The following ACE variants were observed in gnomAD, a reference collection of about 807,000 sequenced individuals.
ACE encodes the protein angiotensin-converting enzyme.
ACE carries 122 observed loss-of-function variants against 162.3 expected under a neutral mutation model. That is an observed-to-expected ratio of 0.75 (90% CI 0.65 to 0.87). The LOEUF (loss-of-function observed/expected upper bound fraction) is 0.87. Among genes scored for constraint, ACE ranks in the 40% least tolerant of loss-of-function variants. The pLI, the probability that ACE is intolerant of heterozygous loss-of-function variation, is 0.00. For synonymous variants in ACE, 796 were observed against 720.6 expected (o/e 1.10, Z -1.68); for missense variants, 1,799 against 1,735.1 (o/e 1.04, Z -0.65).
chr17:63,497,435 C>T lies in ACE; in HGVS notation c.*69C>T. 2 of 1,365,870 alleles carry T rather than the reference C, an allele frequency of 1.5e-6. No individual in the cohort carries two copies. Among genetic ancestry groups the T allele is most frequent in the South Asian group, 2.5e-5 (2 of 80,360 alleles). 84.6% of individuals were successfully genotyped at this position (1,365,870 alleles called of 1,614,324 possible). Reference sequence around the variant, plus strand: ...AGACTGGGATGGGAACACTGGTGGGCAGCTGAGGACACACCCCACACCCCA... The same window carrying T: ...AGACTGGGATGGGAACACTGGTGGGTAGCTGAGGACACACCCCACACCCCA... On this transcript the variant is annotated 3_prime_UTR_variant, in exon 25 of 25. Transcript: ENST00000290866.
intron 17 of ACE, chr17:63,490,205 C>G (rs2030279168): frequency 6.5e-6 from 1 of 153,014 alleles, no homozygotes; most frequent in Non-Finnish European, 1.5e-5. Flanking sequence ...CTTCACCTCA[C>G]TTGGCTAGGA....
chr17:63,477,898 C>T (rs778198824), intron 1 of ACE, 33 bp from the exon 2 acceptor site: 2 of 1,592,138 alleles, frequency 1.3e-6, no homozygotes, highest in South Asian at 1.1e-5. Flanking sequence ...AAGCAGGGTC[C>T]TACACCCTCC....
rs1328155886 is a variant in ACE at position 63,480,584 on chromosome 17, A to G, written c.847+56A>G. 24 of 1,594,574 alleles carry G rather than the reference A, an allele frequency of 1.5e-5. No individual in the cohort carries two copies. In the Middle Eastern group the frequency reaches 5.0e-4, roughly 33 times the overall value. The stretch of plus-strand genomic sequence containing the variant: ...CCCACGGAAGTGTGGGTCCCGAGGT[A>G]GGGGTGGGGGATGTCCAGGGTAAGG... On this transcript the variant is annotated intron_variant, in intron 5 of 24. Coordinates refer to ENST00000290866, the MANE Select transcript of ACE (RefSeq NM_000789.4).
chr17:63,478,455 CAGG>C (rs2049654739), intron 2 of ACE: 4 of 334,550 alleles, frequency 1.2e-5, no homozygotes, highest in South Asian at 2.9e-5. Flanking sequence ...CGCTTGAGCC[CAGG>C]AGTTCAAGAC....
chr17:63,481,251 C>A, intron 6 of ACE, 63 bp downstream of exon 6: 1 of 1,422,952 alleles, frequency 7.0e-7, no homozygotes, highest in South Asian at 1.2e-5. Context: ...AAAAGGGAGT[C>A]ACAGATGGGC....
chr17:63,485,204 G>A (rs1175002670), intron 12 of ACE, 32 bp from the exon 13 acceptor site: 39 of 1,613,818 alleles, frequency 2.4e-5, no homozygotes, highest in Non-Finnish European at 3.3e-5. Context: ...GGAGGCAGAG[G>A]TTTGTCTGTT....
chr17:63,497,900 C>T lies in ACE; in HGVS notation c.*534C>T, dbSNP rs2030872213. ...GAAGCAGACATCCTGGGCTGCTGGC[C>T]TCACATTTCCACTGGCAGTGGAGCC... On this transcript the variant is annotated 3_prime_UTR_variant, in exon 25 of 25. Transcript: ENST00000290866. 4.6e-6 allele frequency: 1 copy of T among 219,292 alleles called. No individual in the cohort carries two copies. Among genetic ancestry groups the T allele is most frequent in the Non-Finnish European group, 9.2e-6 (1 of 108,284 alleles). The allele number at this position is 219,292 out of a possible 1,614,324, so 13.6% of individuals were successfully genotyped here. A position where few individuals can be genotyped will look rare whatever the true frequency, so the allele number is the denominator to read the frequency against.
rs770923059 is a variant in ACE at position 63,486,627 on chromosome 17, A to T, written c.2129A>T (p.Asn710Ile). 6.2e-7 allele frequency: 1 copy of T among 1,614,116 alleles called. No homozygotes were observed. Among genetic ancestry groups the T allele is most frequent in the Non-Finnish European group, 8.5e-7 (1 of 1,180,048 alleles). The change falls in exon 14 of 25, where the codon AAC becomes ATC. Residue 710 changes from asparagine to isoleucine, a missense_variant. Coordinates refer to ENST00000290866, the MANE Select transcript of ACE (RefSeq NM_000789.4). ...YGTQARKFDV[N>I]QLQNTTIKRI... ...ACCCAGGCCAGGAAGTTTGATGTGA[A>T]CCAGTTGCAGAACACCACTATCAAG...
At chr17:63,486,519 C>T (rs758493210) in intron 13 of ACE, 38 bp from the exon 14 acceptor site, 6 of 1,611,964 alleles carry the variant, frequency 3.7e-6, no homozygotes, top group Admixed American at 1.7e-5. Flanking sequence ...TGCTCTGGAG[C>T]TCCTGGGCCC....
chr17:63,478,127 G>T (rs1225418500), intron 2 of ACE, 29 bp downstream of exon 2: 9 of 1,558,102 alleles, frequency 5.8e-6, no homozygotes, highest in South Asian at 1.2e-5. Context: ...CAGAGCTCGG[G>T]GGCGGCCTCC....
Position 63,497,782 on chromosome 17 carries a change from G to A in ACE, c.*416G>A, listed in dbSNP as rs936405239. The A allele has an allele frequency of 3.2e-5, 12 of 375,822 alleles. No homozygotes were observed. The highest frequency in any genetic ancestry group is 1.7e-4 in the African/African-American group (8 of 47,796). The allele number at this position is 375,822 out of a possible 1,614,324, so 23.3% of individuals were successfully genotyped here. A position where few individuals can be genotyped will look rare whatever the true frequency, so the allele number is the denominator to read the frequency against. On this transcript the variant is annotated 3_prime_UTR_variant, in exon 25 of 25. Coordinates refer to ENST00000290866, the MANE Select transcript of ACE (RefSeq NM_000789.4). ...TGCCCCAGCACCTCCTGGCGCTGGCGCCTGTCTTCCCTCCAGCCCAGGCAG... is the reference window on the plus strand; with the variant it reads ...TGCCCCAGCACCTCCTGGCGCTGGCACCTGTCTTCCCTCCAGCCCAGGCAG...
intron 17 of ACE, 109 bp downstream of exon 17, chr17:63,489,241 T>G: frequency 7.5e-7 from 1 of 1,328,212 alleles, no homozygotes; most frequent in Non-Finnish European, 1.0e-6. Context: ...ACTGAGAGAC[T>G]CCAGCCCTGT....
intron 13 of ACE, 62 bp downstream of exon 13, chr17:63,485,434 G>T: frequency 1.3e-6 from 2 of 1,596,712 alleles, no homozygotes; most frequent in East Asian, 4.5e-5. Flanking sequence ...ATGCTGTCCC[G>T]CTCACCACAC....
intron 12 of ACE, 107 bp from the exon 13 acceptor site, chr17:63,485,128 CA>C (rs1360723733): frequency 1.3e-6 from 2 of 1,529,814 alleles, no homozygotes; most frequent in Non-Finnish European, 1.8e-6. Flanking sequence ...CGGGTAGGGA[CA>C]GGGCAGGGTA....
intron 6 of ACE, 54 bp from the exon 7 acceptor site, chr17:63,481,512 C>T (rs1030360347): frequency 1.2e-6 from 2 of 1,602,510 alleles, no homozygotes; most frequent in Admixed American, 3.4e-5. Context: ...CAGCCCTGTC[C>T]CCAGGCCAGC....
intron 22 of ACE, 161 bp from the exon 23 acceptor site, chr17:63,496,233 G>C (rs2030719634): frequency 2.0e-6 from 2 of 1,020,284 alleles, no homozygotes; most frequent in African/African-American, 1.6e-5. Flanking sequence ...TGGGGTGGGG[G>C]AGCTCACCCT....
chr17:63,496,823 A>T lies in ACE; in HGVS notation c.3529A>T (p.Arg1177Trp). The change falls in exon 24 of 25, where the codon AGG becomes TGG. Residue 1177 changes from arginine (R) to tryptophan (W), a missense_variant. Coordinates refer to ENST00000290866, the MANE Select transcript of ACE (RefSeq NM_000789.4). ...LATAMKLGFS[R>W]PWPEAMQLIT... Reference sequence around the variant, plus strand: ...GACCGCCATGAAGCTGGGCTTCAGTAGGCCGTGGCCGGAAGCCATGCAGCT... The same window carrying T: ...GACCGCCATGAAGCTGGGCTTCAGTTGGCCGTGGCCGGAAGCCATGCAGCT... 1 of 1,613,024 alleles carries T rather than the reference A, an allele frequency of 6.2e-7. No homozygotes were observed. Among genetic ancestry groups the T allele is most frequent in the Admixed American group, 1.7e-5 (1 of 60,024 alleles).
In ACE at chr17:63,483,133, ACC is replaced by A; in HGVS notation, c.1453_1454del (p.Pro485PhefsTer29). 6.2e-7 allele frequency: 1 copy of A among 1,612,916 alleles called. No homozygotes were observed. The highest frequency in any genetic ancestry group is 8.5e-7 in the Non-Finnish European group (1 of 1,179,780). On this transcript the variant is annotated frameshift_variant, in exon 9 of 25. Coordinates refer to ENST00000290866, the MANE Select transcript of ACE (RefSeq NM_000789.4). LOFTEE classifies it high-confidence loss of function. ...GCGCTGGGGGGTCTTTAGTGGGCGTACCCCCCCTTCCCGCTACAACTTCGACT... is the reference window on the plus strand; with the variant it reads ...GCGCTGGGGGGTCTTTAGTGGGCGTACCCCCTTCCCGCTACAACTTCGACT... Reference protein sequence around the residue: ...QWRWGVFSGRTPPSRYNFDWW... With the variant: ...QWRWGVFSGRXPPSRYNFDWW...
Position 63,481,638 on chromosome 17 carries a change from C to G in ACE, c.1018C>G (p.Pro340Ala). The G allele has an allele frequency of 6.2e-7, 1 of 1,614,090 alleles. No homozygotes were observed. The highest frequency in any genetic ancestry group is 8.5e-7 in the Non-Finnish European group (1 of 1,180,024). ...FTSLELSPMP[P>A]EFWEGSMLEK... Reference sequence around the variant, plus strand: ...CTCCCTGGAGCTCTCCCCCATGCCTCCCGAGTTCTGGGAAGGGTCGATGCT... The same window carrying G: ...CTCCCTGGAGCTCTCCCCCATGCCTGCCGAGTTCTGGGAAGGGTCGATGCT... Residue 340 changes from proline (P) to alanine (A), a missense_variant, in exon 7 of 25, where the codon CCC (proline) becomes GCC (alanine). Coordinates refer to ENST00000290866, the MANE Select transcript of ACE (RefSeq NM_000789.4).
Sources: gnomAD v4.1 joint callset for allele counts on GRCh38, gnomAD v4.1.1 for gene constraint, MANE v1.5 for transcripts, NCBI Gene and HGNC (gene_info 2026-07-23, HGNC 2026-07-21) for gene names.